SGCZ: variants seen among roughly 807,000 people sequenced by gnomAD.
The protein encoded by SGCZ is zeta-sarcoglycan.
In SGCZ, 40 loss-of-function variants were observed where a neutral mutation model predicts 41.3. That is an observed-to-expected ratio of 0.97 (90% CI 0.75 to 1.26). The LOEUF is 1.26. SGCZ is among the 50% of genes most tolerant of loss of function. The pLI, the probability that SGCZ is intolerant of heterozygous loss-of-function variation, is 0.00. For synonymous variants in SGCZ, 206 were observed against 137.5 expected, an observed-to-expected ratio of 1.50 and a Z score of -3.49; for missense variants, 552 against 369.8, an observed-to-expected ratio of 1.49 and a Z score of -4.04.
At chr8:14,891,128 G>C (rs1804998655) in intron 1 of SGCZ, among the ~76,000 whole-genome samples, 1 of 152,180 alleles carries the variant, frequency 6.6e-6, no homozygotes, top group Non-Finnish European at 1.5e-5. Context: ...CCCTTGTGCA[G>C]CCCATGGATC....
intron 1 of SGCZ, among the ~76,000 whole-genome samples, chr8:15,210,392 T>C (rs1017918448): frequency 2.6e-5 from 4 of 152,160 alleles, no homozygotes; most frequent in Non-Finnish European, 4.4e-5. Flanking sequence ...TGATTCCTCT[T>C]CTTCAGTTTC....
At chr8:14,195,306 G>C (rs1032238251) in intron 4 of SGCZ, among the ~76,000 whole-genome samples, 8 of 152,082 alleles carry the variant, frequency 5.3e-5, no homozygotes, top group Non-Finnish European at 8.8e-5. Context: ...ACGCTGAAAA[G>C]GGTTGACAGC....
At chr8:14,702,836 GATAGATAGATA>G (rs1809197491) in intron 1 of SGCZ, among the ~76,000 whole-genome samples, 1 of 55,986 alleles carries the variant, frequency 1.8e-5, no homozygotes, top group African/African-American at 4.0e-5. Context: ...TAGATAGATA[GATAGATAGATA>G]GATAGATAGA....
chr8:14,732,708 G>A (rs993531743), intron 1 of SGCZ, among the ~76,000 whole-genome samples: 3 of 152,212 alleles, frequency 2.0e-5, no homozygotes, highest in Non-Finnish European at 2.9e-5. Flanking sequence ...TTCCTAAAAC[G>A]GGGGCAACCA....
At chr8:14,424,422 A>T (rs2117315398) in intron 2 of SGCZ, among the ~76,000 whole-genome samples, 1 of 152,316 alleles carries the variant, frequency 6.6e-6, no homozygotes, top group African/African-American at 2.4e-5. Flanking sequence ...TGTGCTAATT[A>T]GAAATTAAAC....
intron 1 of SGCZ, among the ~76,000 whole-genome samples, chr8:14,684,548 T>C (rs1357018516): frequency 6.6e-6 from 1 of 152,182 alleles, no homozygotes; most frequent in Non-Finnish European, 1.5e-5. Context: ...AGAGTATTCA[T>C]ACTGTAAACA....
At chr8:14,966,401 TAC>T (rs1469905058) in intron 1 of SGCZ, among the ~76,000 whole-genome samples, 6 of 151,710 alleles carry the variant, frequency 4.0e-5, no homozygotes, top group Non-Finnish European at 7.4e-5. Flanking sequence ...ATCAAATAAC[TAC>T]ATGTTTATAA....
chr8:14,977,452 T>C (rs2130874294), intron 1 of SGCZ, among the ~76,000 whole-genome samples: 1 of 152,344 alleles, frequency 6.6e-6, no homozygotes, highest in South Asian at 2.1e-4. Flanking sequence ...TAGTGCTTTA[T>C]CATTTTATCT....
At chr8:14,644,945 C>CGTAA (rs751071211) in intron 1 of SGCZ, among the ~76,000 whole-genome samples, 1 of 21,480 alleles carries the variant, frequency 4.7e-5, no homozygotes. Context: ...TGTGTAGTTG[C>CGTAA]ATAAATAAAA....
At chr8:14,624,571 T>A (rs1449933641) in intron 1 of SGCZ, among the ~76,000 whole-genome samples, 19,712 of 129,900 alleles carry the variant, frequency 0.15, 1,962 homozygotes, top group Admixed American at 0.21. Flanking sequence ...TTTTTTTTTT[T>A]TTTTTTTTTT....
intron 3 of SGCZ, among the ~76,000 whole-genome samples, chr8:14,264,445 T>C (rs537839684): frequency 6.6e-6 from 1 of 152,262 alleles, no homozygotes; most frequent in Non-Finnish European, 1.5e-5. Context: ...TGGACCCACA[T>C]GCCAGATTTC....
chr8:14,278,046 T>C (rs1800296703), intron 3 of SGCZ, among the ~76,000 whole-genome samples: 1 of 152,258 alleles, frequency 6.6e-6, no homozygotes, highest in Admixed American at 6.5e-5. Flanking sequence ...ACTACCTTTG[T>C]TCACAGTGCA....
chr8:15,134,073 TG>T (rs1481120687), intron 1 of SGCZ, among the ~76,000 whole-genome samples: 2 of 152,178 alleles, frequency 1.3e-5, no homozygotes, highest in East Asian at 3.8e-4. Flanking sequence ...TTAAGGCAGA[TG>T]ACTGAGGCCA....
intron 1 of SGCZ, among the ~76,000 whole-genome samples, chr8:15,049,345 G>A (rs570774910): frequency 6.6e-6 from 1 of 152,108 alleles, no homozygotes; most frequent in Non-Finnish European, 1.5e-5. Flanking sequence ...AAGATTGCTA[G>A]CATGGCTAGA....
chr8:15,097,810 ATATACGTG>A (rs1476659509), intron 1 of SGCZ, among the ~76,000 whole-genome samples: 10 of 129,758 alleles, frequency 7.7e-5, no homozygotes, highest in African/African-American at 2.9e-4. Flanking sequence ...GTATATATAT[ATATACGTG>A]TGTGTATATA....
intron 5 of SGCZ, among the ~76,000 whole-genome samples, chr8:14,120,183 A>T (rs1190199583): frequency 6.6e-6 from 1 of 152,198 alleles, no homozygotes; most frequent in Non-Finnish European, 1.5e-5. Context: ...TTCCTTTAAC[A>T]TCTATCACTG....
At chr8:14,399,601 C>T (rs1377611021) in intron 2 of SGCZ, among the ~76,000 whole-genome samples, 1 of 151,932 alleles carries the variant, frequency 6.6e-6, no homozygotes, top group Non-Finnish European at 1.5e-5. Context: ...ATGTTTTTTT[C>T]AGTATTTTGC....
At position 14,158,568 on chromosome 8, in the gene SGCZ, C is replaced by A. The variant is rs1419305440; in HGVS notation, c.547+6012G>T. 2.6e-5 allele frequency among the ~76,000 whole-genome samples: 4 copies of A among 152,154 alleles called. 1 individual carries two copies. In the Middle Eastern group the frequency reaches 0.01, roughly 388 times the overall value. ...GCATCCTTCAATCCAATCAAGTTGA[C>A]AATATTCACTATCACAGTGGAGAAA... On this transcript the variant is annotated intron_variant, in intron 5 of 7. Coordinates refer to ENST00000382080, the MANE Select transcript of SGCZ (RefSeq NM_139167.4).
At chr8:14,162,277 C>G (rs1804070682) in intron 5 of SGCZ, among the ~76,000 whole-genome samples, 1 of 151,992 alleles carries the variant, frequency 6.6e-6, no homozygotes, top group Admixed American at 6.5e-5. Context: ...TGTAAAGTAC[C>G]CAATGAGAAT....
Sources: gnomAD v4.1 joint callset for allele counts (sites outside exome capture counted in the v4.1 genomes callset) on GRCh38, gnomAD v4.1.1 for gene constraint, MANE v1.5 for transcripts, NCBI Gene and HGNC (gene_info 2026-07-23, HGNC 2026-07-21) for gene names.